Variants in MARCHF1 observed in about 807,000 individuals in gnomAD.
The protein encoded by MARCHF1 is membrane associated ring-CH-type finger 1, also known as E3 ubiquitin-protein ligase MARCHF1.
In MARCHF1, 40 loss-of-function variants were observed where a neutral mutation model predicts 54.2. The observed-to-expected ratio is 0.74, with a 90% CI of 0.57 to 0.96. MARCHF1 has a LOEUF of 0.96. Among genes scored for constraint, MARCHF1 ranks in the 40% least tolerant of loss-of-function variants. The pLI is 0.00. For synonymous variants in MARCHF1, 236 were observed against 236.3 expected (o/e 1.00, Z 0.01); for missense variants, 586 against 656.5 (o/e 0.89, Z 1.17).
At chr4:163,763,082 G>C (rs201070890) in intron 4 of MARCHF1, among the ~76,000 whole-genome samples, 1 of 152,002 alleles carries the variant, frequency 6.6e-6, no homozygotes, top group Non-Finnish European at 1.5e-5. Context: ...CCTTAAATGA[G>C]ACTTTATAGT....
rs996911802 is a variant in MARCHF1, at chr4:163,632,837, A to C, written c.163-19444T>G. ...AGACAGCAGTAACCTCTGCAGACTT[A>C]AATGTCCCTGTCTGACAGCTTTGAA... On this transcript the variant is annotated intron_variant, in intron 5 of 9. Transcript: ENST00000514618. Among the ~76,000 whole-genome samples the C allele has an allele frequency of 4.9e-4, 75 of 152,374 alleles. 1 individual carries two copies. Among genetic ancestry groups the C allele is most frequent in the South Asian group, 2.1e-4 (1 of 4,828 alleles).
intron 1 of MARCHF1, among the ~76,000 whole-genome samples, chr4:164,382,432 T>C (rs1425453715): frequency 6.6e-6 from 1 of 152,238 alleles, no homozygotes; most frequent in African/African-American, 2.4e-5. Flanking sequence ...GATGCTGGGA[T>C]ACCAAACTGG....
At chr4:163,933,885 A>G (rs1163080036) in intron 3 of MARCHF1, among the ~76,000 whole-genome samples, 1 of 152,206 alleles carries the variant, frequency 6.6e-6, no homozygotes, top group Admixed American at 6.5e-5. Flanking sequence ...GTTTAAGTTG[A>G]CAACCTCCCT....
intron 5 of MARCHF1, among the ~76,000 whole-genome samples, chr4:163,646,750 A>G (rs922297936): frequency 5.9e-5 from 9 of 152,118 alleles, no homozygotes; most frequent in African/African-American, 2.2e-4. Context: ...CAATACCCTT[A>G]AAACCTATAG....
chr4:164,299,800 T>C (rs1734503790), intron 1 of MARCHF1, among the ~76,000 whole-genome samples: 1 of 152,160 alleles, frequency 6.6e-6, no homozygotes, highest in African/African-American at 2.4e-5. Flanking sequence ...GAGGTGGCAC[T>C]AATATAAAAA....
intron 4 of MARCHF1, among the ~76,000 whole-genome samples, chr4:163,762,599 T>A (rs78464435): frequency 0.01 from 1,574 of 152,184 alleles, 12 homozygotes; most frequent in Admixed American, 0.027. Context: ...TTAGAAGAAA[T>A]TGCATCTTTA....
chr4:163,654,692 C>A (rs1036787974), intron 5 of MARCHF1, among the ~76,000 whole-genome samples: 2 of 151,490 alleles, frequency 1.3e-5, no homozygotes, highest in South Asian at 4.1e-4. Context: ...CATTTATTGG[C>A]CTGTTATTTA....
chr4:163,979,906 T>C (rs1275959776), intron 3 of MARCHF1, among the ~76,000 whole-genome samples: 2 of 152,126 alleles, frequency 1.3e-5, no homozygotes, highest in Admixed American at 6.5e-5. Context: ...GAGTTCATTG[T>C]AGATTCTGGA....
rs534154870 is a variant in MARCHF1 at position 164,031,968 on chromosome 4, G to T, written c.-247-43259C>A. On this transcript the variant is annotated intron_variant, in intron 2 of 9. Transcript: ENST00000514618. ...TTGCGAATCCACCTGGTCTTGGGTT[G>T]TTTTTGGTTGGTAGGCTATTTAGTT... Among the ~76,000 whole-genome samples the T allele has an allele frequency of 2.6e-5, 4 of 152,148 alleles. No homozygotes were observed. The East Asian group carries it at 7.7e-4, about 29-fold the overall frequency.
At chr4:163,968,797 T>C (rs1160154056) in intron 3 of MARCHF1, among the ~76,000 whole-genome samples, 1 of 152,074 alleles carries the variant, frequency 6.6e-6, no homozygotes, top group Non-Finnish European at 1.5e-5. Context: ...AGCTCTGAAG[T>C]GCAATACGCC....
chr4:163,929,975 A>AT (rs1374470789), intron 3 of MARCHF1, among the ~76,000 whole-genome samples: 4 of 130,608 alleles, frequency 3.1e-5, no homozygotes, highest in Non-Finnish European at 6.3e-5. Flanking sequence ...TATATATAAT[A>AT]TATATAATAT....
intron 1 of MARCHF1, among the ~76,000 whole-genome samples, chr4:164,119,152 G>A (rs1248733463): frequency 6.6e-6 from 1 of 151,288 alleles, no homozygotes; most frequent in Non-Finnish European, 1.5e-5. Context: ...AAGTATGAAT[G>A]AAACACAGTA....
chr4:164,342,486 G>C (rs998952570), intron 1 of MARCHF1, among the ~76,000 whole-genome samples: 1 of 151,160 alleles, frequency 6.6e-6, no homozygotes, highest in Non-Finnish European at 1.5e-5. Flanking sequence ...TAACAAACCT[G>C]CACGTTATGC....
intron 8 of MARCHF1, among the ~76,000 whole-genome samples, chr4:163,578,676 T>C (rs1740117305): frequency 6.6e-6 from 1 of 152,200 alleles, no homozygotes. Flanking sequence ...ATATGAATTG[T>C]CTTACAAAGA....
At chr4:164,019,257 T>C (rs963139951) in intron 2 of MARCHF1, among the ~76,000 whole-genome samples, 3 of 152,188 alleles carry the variant, frequency 2.0e-5, no homozygotes, top group African/African-American at 7.2e-5. Context: ...TCTCTCCAGG[T>C]GCACTGTATT....
intron 1 of MARCHF1, among the ~76,000 whole-genome samples, chr4:164,166,417 A>C (rs1730383093): frequency 1.3e-5 from 2 of 152,044 alleles, no homozygotes; most frequent in African/African-American, 2.4e-5. Context: ...GAGGGTTTTT[A>C]GAAGACTTTG....
chr4:163,825,288 G>A (rs1364697196), intron 4 of MARCHF1, among the ~76,000 whole-genome samples: 1 of 151,964 alleles, frequency 6.6e-6, no homozygotes, highest in African/African-American at 2.4e-5. Context: ...ACTTTTAATG[G>A]CTGCATAGTA....
At chr4:164,266,302 G>T (rs1019199422) in intron 1 of MARCHF1, among the ~76,000 whole-genome samples, 8 of 152,136 alleles carry the variant, frequency 5.3e-5, no homozygotes, top group Admixed American at 4.6e-4. Context: ...AATAGCATTT[G>T]CTCTCTTGTC....
chr4:163,840,653 G>T (rs981092421), intron 4 of MARCHF1, among the ~76,000 whole-genome samples: 1 of 152,044 alleles, frequency 6.6e-6, no homozygotes, highest in Non-Finnish European at 1.5e-5. Flanking sequence ...TGGCGGAAAA[G>T]GAGAGATGCT....
Sources: gnomAD v4.1 joint callset for allele counts (sites outside exome capture counted in the v4.1 genomes callset) on GRCh38, gnomAD v4.1.1 for gene constraint, MANE v1.5 for transcripts, NCBI Gene and HGNC (gene_info 2026-07-23, HGNC 2026-07-21) for gene names.